Variants in DNAH3 observed in about 807,000 individuals in gnomAD.
DNAH3 encodes the protein dynein axonemal heavy chain 3.
In DNAH3, 332 loss-of-function variants were observed where a neutral mutation model predicts 432.5. The ratio of observed to expected loss-of-function variants is 0.77; its 90% CI spans 0.70 to 0.84. The LOEUF (loss-of-function observed/expected upper bound fraction) is 0.84, where lower values mean the gene tolerates loss of function less well. Ranked by LOEUF, DNAH3 falls within the 40% of genes least tolerant of loss-of-function variation. The pLI is 0.00. For missense variants in DNAH3, 4,861 were observed against 5,114.0 expected (o/e 0.95, Z 1.51); for synonymous variants, 1,956 against 1,900.2 (o/e 1.03, Z -0.76).
intron 3 of DNAH3, among the ~76,000 whole-genome samples, chr16:21,143,760 A>G (rs948754930): frequency 2.6e-5 from 4 of 152,208 alleles, no homozygotes; most frequent in Admixed American, 1.3e-4. Flanking sequence ...CCACTTGGGA[A>G]AAAGAAATCC....
In DNAH3 at chr16:20,970,231, AT is replaced by A. The variant is rs1029069297; in HGVS notation, c.8260-242del. ...TCCCGAACATCTGAGCATTCAACTT[AT>A]TTGCTTTTTTGGCCAGGCACAGTAG... On this transcript the variant is annotated intron_variant, in intron 51 of 61. Coordinates refer to ENST00000261383, the Ensembl canonical transcript of DNAH3. 7.2e-5 allele frequency among the ~76,000 whole-genome samples: 11 copies of A among 152,122 alleles called. No individual in the cohort carries two copies. In the East Asian group the frequency reaches 1.9e-3, roughly 27 times the overall value.
At chr16:20,963,370 G>A (rs762125539) in exon 53 of DNAH3, 19 of 1,614,018 alleles carry the variant, frequency 1.2e-5, no homozygotes, top group East Asian at 6.7e-5. Flanking sequence ...GAGATCGAAC[G>A]TAGGGGCTTC....
chr16:21,042,401 G>T (rs1228322420), intron 31 of DNAH3, among the ~76,000 whole-genome samples, 198 bp from the exon 32 acceptor site: 1 of 152,134 alleles, frequency 6.6e-6, no homozygotes, highest in Admixed American at 6.5e-5. Context: ...ATGTGCGTGT[G>T]TGTGTGTGTT....
At chr16:21,062,294 T>C (rs1227837263) in intron 25 of DNAH3, among the ~76,000 whole-genome samples, 188 bp downstream of exon 25, 10 of 152,112 alleles carry the variant, frequency 6.6e-5, no homozygotes, top group Non-Finnish European at 1.3e-4. Flanking sequence ...GGAATCCCCA[T>C]CTTAGAGATG....
intron 39 of DNAH3, among the ~76,000 whole-genome samples, chr16:21,022,986 G>T (rs1196552253): frequency 6.6e-6 from 1 of 152,106 alleles, no homozygotes. Flanking sequence ...GACCTCAAGT[G>T]ATCCGCCCAC....
intron 51 of DNAH3, 88 bp downstream of exon 51, chr16:20,975,145 T>C (rs547868370): frequency 1.3e-6 from 2 of 1,504,816 alleles, no homozygotes; most frequent in South Asian, 2.6e-5. Flanking sequence ...CTACCCTTTC[T>C]GAGCCTCACT....
At chr16:20,945,169 C>T (rs1272212152) in intron 57 of DNAH3, among the ~76,000 whole-genome samples, 2 of 152,148 alleles carry the variant, frequency 1.3e-5, no homozygotes, top group Non-Finnish European at 2.9e-5. Context: ...GTCAAATATC[C>T]CCAAACCAAG....
chr16:21,067,702 G>C (rs576401260), intron 23 of DNAH3, among the ~76,000 whole-genome samples: 1 of 146,504 alleles, frequency 6.8e-6, no homozygotes, highest in African/African-American at 2.5e-5. Context: ...TACTAGTTTG[G>C]GCTGAGTGAG....
At chr16:20,988,060 A>G (rs1474208276) in exon 45 of DNAH3, 2 of 1,614,064 alleles carry the variant, frequency 1.2e-6, no homozygotes, top group Non-Finnish European at 1.7e-6. Flanking sequence ...TGGCGAGTGA[A>G]TCGTCCTGGG....
intron 3 of DNAH3, among the ~76,000 whole-genome samples, chr16:21,143,307 G>A (rs1174543392): frequency 3.3e-5 from 5 of 152,108 alleles, no homozygotes; most frequent in East Asian, 1.9e-4. Flanking sequence ...AGGTGACTAG[G>A]TCATGAGGGC....
chr16:21,017,159 T>G (rs947797121), intron 41 of DNAH3, among the ~76,000 whole-genome samples: 2 of 152,198 alleles, frequency 1.3e-5, no homozygotes, highest in Non-Finnish European at 2.9e-5. Flanking sequence ...ATGGTAAATT[T>G]TGTGTTATGT....
intron 44 of DNAH3, among the ~76,000 whole-genome samples, chr16:20,990,154 C>T (rs1280768911): frequency 6.6e-6 from 1 of 152,240 alleles, no homozygotes; most frequent in Non-Finnish European, 1.5e-5. Flanking sequence ...GCAGAGGAGG[C>T]GCCCAGAGCG....
intron 8 of DNAH3, among the ~76,000 whole-genome samples, chr16:21,127,075 G>A (rs2092458998): frequency 1.3e-5 from 2 of 152,020 alleles, no homozygotes; most frequent in Non-Finnish European, 1.5e-5. Flanking sequence ...CACTGGCCCA[G>A]TCTGTGGAAA....
chr16:21,001,489 G>A (rs377744916), intron 42 of DNAH3, among the ~76,000 whole-genome samples: 3 of 152,056 alleles, frequency 2.0e-5, no homozygotes, highest in South Asian at 2.1e-4. Flanking sequence ...TGCAAATAGC[G>A]CCACCTAGGT....
At chr16:21,084,635 TTTAAA>T (rs1424259062) in intron 19 of DNAH3, among the ~76,000 whole-genome samples, 1 of 152,086 alleles carries the variant, frequency 6.6e-6, no homozygotes, top group Non-Finnish European at 1.5e-5. Flanking sequence ...ATTTTTTAAA[TTTAAA>T]TTAATTAATT....
rs150781647 is a variant in DNAH3, at chr16:20,958,805, T to C, written c.10826+374A>G. On this transcript the variant is annotated intron_variant, in intron 54 of 61. Transcript: ENST00000261383. ...TTTTTAGAGAGGAAGTCTCACTCTG[T>C]CGCCCAGGCTGGAGTGCAGTGATAC... Among the ~76,000 whole-genome samples the C allele has an allele frequency of 1.7e-3, 254 of 152,286 alleles. 1 individual carries two copies. Among genetic ancestry groups the C allele is most frequent in the African/African-American group, 5.8e-3 (242 of 41,548 alleles).
chr16:21,148,935 A>C (rs1418567231), intron 1 of DNAH3, among the ~76,000 whole-genome samples: 1 of 152,182 alleles, frequency 6.6e-6, no homozygotes, highest in Non-Finnish European at 1.5e-5. Context: ...TGTTTGTTAA[A>C]AATATGAATG....
intron 16 of DNAH3, among the ~76,000 whole-genome samples, chr16:21,101,194 G>A (rs369828680): frequency 6.6e-6 from 1 of 152,138 alleles, no homozygotes; most frequent in African/African-American, 2.4e-5. Context: ...CTAAGACAAA[G>A]CCTGTTTTAT....
At position 21,021,955 on chromosome 16, in the gene DNAH3, C is replaced by A; in HGVS notation, c.5776+16G>T. The A allele has an allele frequency of 1.2e-6, 2 of 1,612,736 alleles. No individual in the cohort carries two copies. The highest frequency in any genetic ancestry group is 2.2e-5 in the South Asian group (2 of 90,948). On this transcript the variant is annotated intron_variant, in intron 40 of 61. Transcript: ENST00000261383. ...CCCACCCCCCATGTGGCTTAAGAAT[C>A]ATGGCTAGCACTTACCAAGCAGAGA...
Sources: gnomAD v4.1 joint callset for allele counts (sites outside exome capture counted in the v4.1 genomes callset) on GRCh38, gnomAD v4.1.1 for gene constraint, MANE v1.5 for transcripts, NCBI Gene and HGNC (gene_info 2026-07-23, HGNC 2026-07-21) for gene names.